The following SHQ1 variants were observed in gnomAD, a reference collection of about 807,000 sequenced individuals.
The protein encoded by SHQ1 is protein SHQ1 homolog.
A neutral mutation model predicts 53.8 loss-of-function variants in SHQ1; 49 were observed. The ratio of observed to expected loss-of-function variants is 0.91; its 90% CI spans 0.72 to 1.16. The LOEUF (loss-of-function observed/expected upper bound fraction) is 1.16, where lower values mean the gene tolerates loss of function less well. Ranked by LOEUF, SHQ1 falls within the 50% of genes most tolerant of loss-of-function variation. SHQ1 has a pLI of 0.00. For missense variants in SHQ1, 738 were observed against 683.1 expected (o/e 1.08, Z -0.90); for synonymous variants, 243 against 251.0 (o/e 0.97, Z 0.30).
intron 9 of SHQ1, among the ~76,000 whole-genome samples, chr3:72,800,882 C>T (rs1266909186): frequency 6.6e-6 from 1 of 152,150 alleles, no homozygotes; most frequent in Non-Finnish European, 1.5e-5. Context: ...CACTGTACCA[C>T]CATAAGTTCA....
the SHQ1 span, among the ~76,000 whole-genome samples, chr3:72,742,199 TAAAAAA>T: frequency 8.1e-6 from 1 of 124,192 alleles, no homozygotes; most frequent in East Asian, 2.2e-4. Context: ...CCCTATCTCT[TAAAAAA>T]AAAAAAAAAC....
At chr3:72,848,121 T>C in intron 1 of SHQ1, 77 bp downstream of exon 1, 2 of 1,572,900 alleles carry the variant, frequency 1.3e-6, no homozygotes, top group Non-Finnish European at 1.7e-6. Flanking sequence ...AGCACTGCTC[T>C]CTCGACCTTG....
intron 10 of SHQ1, among the ~76,000 whole-genome samples, chr3:72,762,939 T>G (rs1314313032): frequency 7.0e-6 from 1 of 142,302 alleles, no homozygotes. Context: ...CCTCCCAAAG[T>G]GCTGGGATGA....
At chr3:72,840,757 G>C (rs1327937710) in intron 4 of SHQ1, among the ~76,000 whole-genome samples, 1 of 152,092 alleles carries the variant, frequency 6.6e-6, no homozygotes, top group Non-Finnish European at 1.5e-5. Flanking sequence ...CAGGAAGTAT[G>C]AGAGAGGAGT....
chr3:72,832,481 C>A lies in SHQ1; in HGVS notation c.487G>T (p.Asp163Tyr). ...LRSGVLQRLQ[D>Y]ELSDVIDIKD... ...ATATCAATAACATCACTCAGTTCAT[C>A]CTGAGGACACCCAGAAAAGAAAGAA... The change falls in exon 5 of 11, where the codon GAT becomes TAT. Residue 163 changes from aspartate to tyrosine, a missense_variant and splice_region_variant. Transcript: ENST00000325599. 1 of 1,579,250 alleles carries A rather than the reference C, an allele frequency of 6.3e-7. No homozygotes were observed. Among genetic ancestry groups the A allele is most frequent in the Non-Finnish European group, 8.6e-7 (1 of 1,160,798 alleles).
At chr3:72,746,555 G>A (rs1178589227), downstream of SHQ1, among the ~76,000 whole-genome samples, 1 of 152,204 alleles carries the variant, frequency 6.6e-6, no homozygotes, top group African/African-American at 2.4e-5. Flanking sequence ...GAGAAACACT[G>A]CCGACACGGA....
intron 1 of SHQ1, among the ~76,000 whole-genome samples, chr3:72,845,214 T>G (rs1201729182): frequency 6.6e-6 from 1 of 152,216 alleles, no homozygotes; most frequent in African/African-American, 2.4e-5. Context: ...CTGGGCGTGG[T>G]GGCTTACGCC....
intron 10 of SHQ1, among the ~76,000 whole-genome samples, chr3:72,778,437 C>T (rs889925891): frequency 1.3e-5 from 2 of 150,662 alleles, no homozygotes; most frequent in Admixed American, 6.6e-5. Flanking sequence ...TGACAGAAAC[C>T]CTGTCTCTTT....
intron 10 of SHQ1, among the ~76,000 whole-genome samples, chr3:72,787,869 C>A (rs1245286136): frequency 6.6e-6 from 1 of 152,204 alleles, no homozygotes; most frequent in Non-Finnish European, 1.5e-5. Flanking sequence ...CGTGCGCCGC[C>A]ACGCCTGACT....
intron 9 of SHQ1, among the ~76,000 whole-genome samples, chr3:72,799,797 T>C (rs1422801827): frequency 6.6e-6 from 1 of 152,194 alleles, no homozygotes; most frequent in African/African-American, 2.4e-5. Flanking sequence ...ATGTACTTTT[T>C]ATATGTCCCC....
At chr3:72,841,970 T>C (rs192073358) in intron 3 of SHQ1, among the ~76,000 whole-genome samples, 42 of 152,288 alleles carry the variant, frequency 2.8e-4, no homozygotes, top group Admixed American at 7.8e-4. Flanking sequence ...AACCTGAGGG[T>C]TGGGGACCCC....
At chr3:72,734,596 T>C in the SHQ1 span, among the ~76,000 whole-genome samples, 6 of 151,736 alleles carry the variant, frequency 4.0e-5, no homozygotes, top group South Asian at 8.3e-4. Context: ...GTCATACCTT[T>C]AGTATTTGAC....
chr3:72,766,454 G>C (rs1034919098), intron 10 of SHQ1, among the ~76,000 whole-genome samples: 18 of 152,148 alleles, frequency 1.2e-4, no homozygotes, highest in African/African-American at 3.9e-4. Context: ...AACCTAAGCT[G>C]TCCCATGTAC....
chr3:72,765,944 G>C (rs149038389), intron 10 of SHQ1, among the ~76,000 whole-genome samples: 3 of 152,202 alleles, frequency 2.0e-5, no homozygotes, highest in African/African-American at 7.2e-5. Context: ...TGTAAGAAAA[G>C]ATAATAAATA....
At chr3:72,844,132 G>A (rs901045659) in intron 2 of SHQ1, among the ~76,000 whole-genome samples, 4 of 152,236 alleles carry the variant, frequency 2.6e-5, no homozygotes, top group East Asian at 1.9e-4. Flanking sequence ...AAATAGAACC[G>A]GAGCAGTTAA....
At chr3:72,834,883 G>A (rs947106702) in intron 4 of SHQ1, among the ~76,000 whole-genome samples, 1 of 152,026 alleles carries the variant, frequency 6.6e-6, no homozygotes, top group Non-Finnish European at 1.5e-5. Context: ...TTTGCTTCCT[G>A]TGCTATAACA....
At chr3:72,754,437 A>C (rs1369819778) in intron 10 of SHQ1, among the ~76,000 whole-genome samples, 11 of 150,732 alleles carry the variant, frequency 7.3e-5, no homozygotes, top group African/African-American at 2.7e-4. Flanking sequence ...GCTGGAGTGC[A>C]ACAGCACGAT....
chr3:72,836,110 TG>T (rs1313613400), intron 4 of SHQ1, among the ~76,000 whole-genome samples: 2 of 152,350 alleles, frequency 1.3e-5, no homozygotes, highest in East Asian at 1.9e-4. Context: ...GAAACTGTTC[TG>T]GGTGCCAAAG....
At chr3:72,763,135 GA>G (rs2106722590) in intron 10 of SHQ1, among the ~76,000 whole-genome samples, 1 of 151,634 alleles carries the variant, frequency 6.6e-6, no homozygotes, top group African/African-American at 2.4e-5. Flanking sequence ...AATTATTAAT[GA>G]AACCAATTAT....
Sources: gnomAD v4.1 joint callset for allele counts (sites outside exome capture counted in the v4.1 genomes callset) on GRCh38, gnomAD v4.1.1 for gene constraint, MANE v1.5 for transcripts, NCBI Gene and HGNC (gene_info 2026-07-23, HGNC 2026-07-21) for gene names.